Variants in ZRANB3 observed in about 807,000 individuals in gnomAD.
ZRANB3 encodes zinc finger RANBP2-type containing 3.
ZRANB3 carries 125 observed loss-of-function variants against 133.8 expected under a neutral mutation model. That is an observed-to-expected ratio of 0.93 (90% CI 0.81 to 1.08). The LOEUF (loss-of-function observed/expected upper bound fraction) is 1.08. Ranked by LOEUF, ZRANB3 falls within the 50% of genes least tolerant of loss-of-function variation. The pLI is 0.00. For synonymous variants in ZRANB3, 387 were observed against 432.7 expected (o/e 0.89, Z 1.31); for missense variants, 1,229 against 1,275.5 (o/e 0.96, Z 0.56).
chr2:135,336,475 C>T (rs1684375997), intron 6 of ZRANB3, among the ~76,000 whole-genome samples: 1 of 152,162 alleles, frequency 6.6e-6, no homozygotes, highest in Non-Finnish European at 1.5e-5. Context: ...CACAGACTAA[C>T]TTAAAATGCC....
intron 12 of ZRANB3, among the ~76,000 whole-genome samples, chr2:135,256,042 G>A (rs1010460151): frequency 2.6e-5 from 4 of 151,596 alleles, no homozygotes; most frequent in African/African-American, 4.8e-5. Context: ...AGCCTCCTGA[G>A]TAGCTGGGAC....
intron 6 of ZRANB3, among the ~76,000 whole-genome samples, chr2:135,328,091 G>C (rs1573918001): frequency 6.6e-6 from 1 of 151,308 alleles, no homozygotes; most frequent in East Asian, 1.9e-4. Context: ...TATACTTTAA[G>C]TTCTAGGGTA....
intron 1 of ZRANB3, among the ~76,000 whole-genome samples, chr2:135,520,769 G>C (rs1458343518): frequency 1.3e-5 from 2 of 151,944 alleles, no homozygotes; most frequent in Admixed American, 1.3e-4. Context: ...GTTTTTAGTA[G>C]AGACGGGGTT....
At chr2:135,233,034 A>G (rs1387695921) in intron 12 of ZRANB3, among the ~76,000 whole-genome samples, 1 of 152,184 alleles carries the variant, frequency 6.6e-6, no homozygotes, top group Non-Finnish European at 1.5e-5. Flanking sequence ...CAAAGAAGTT[A>G]AAAACCTTGA....
chr2:135,496,384 TAAAA>T (rs56770947), intron 2 of ZRANB3, among the ~76,000 whole-genome samples: 2 of 33,326 alleles, frequency 6.0e-5, no homozygotes, highest in Admixed American at 3.8e-4. Flanking sequence ...AACTCCATCT[TAAAA>T]AAAAAAAAAA....
intron 2 of ZRANB3, among the ~76,000 whole-genome samples, chr2:135,497,598 T>G (rs1440233467): frequency 6.6e-6 from 1 of 152,204 alleles, no homozygotes; most frequent in Non-Finnish European, 1.5e-5. Context: ...AATATTTCCA[T>G]CACAGCGGAA....
intron 2 of ZRANB3, among the ~76,000 whole-genome samples, chr2:135,413,794 C>T (rs577346802): frequency 9.2e-5 from 14 of 152,082 alleles, no homozygotes; most frequent in African/African-American, 3.1e-4. Context: ...AGAGTGGGGG[C>T]CAATATTCAA....
At chr2:135,280,931 C>T (rs749314739) in intron 8 of ZRANB3, among the ~76,000 whole-genome samples, 4 of 152,162 alleles carry the variant, frequency 2.6e-5, no homozygotes, top group Non-Finnish European at 5.9e-5. Flanking sequence ...CCCACTAAGT[C>T]ATTTCAGTGA....
At position 135,269,020 on chromosome 2, in the gene ZRANB3, T is replaced by A. The variant is rs1558874807; in HGVS notation, c.1328A>T (p.His443Leu). Residue 443 changes from histidine to leucine, a missense_variant, in exon 11 of 21, where the codon CAC (histidine) becomes CTC (leucine). Physicochemically the swap from His to Leu is moderately conservative, Grantham distance 99. Transcript: ENST00000264159. ...TAGGGTTCCATTTGCAATAAGGTAG[T>A]GAATATTCACAGAACTGCACTGGCC... ...RIGQCSSVNI[H>L]YLIANGTLDT... 2 of 1,612,408 alleles carry A rather than the reference T, an allele frequency of 1.2e-6. No individual in the cohort carries two copies. The highest frequency in any genetic ancestry group is 1.3e-5 in the African/African-American group (1 of 74,764).
chr2:135,496,722 A>G (rs1285304292), intron 2 of ZRANB3, among the ~76,000 whole-genome samples: 1 of 152,216 alleles, frequency 6.6e-6, no homozygotes, highest in Non-Finnish European at 1.5e-5. Context: ...CTGTTCTCCA[A>G]TTTCAAGAAA....
chr2:135,431,559 A>T (rs981464559), intron 2 of ZRANB3, among the ~76,000 whole-genome samples: 1 of 152,160 alleles, frequency 6.6e-6, no homozygotes, highest in Non-Finnish European at 1.5e-5. Flanking sequence ...ATAATAGCTG[A>T]TAAAGAACTT....
intron 2 of ZRANB3, among the ~76,000 whole-genome samples, chr2:135,478,156 A>AAT (rs1260660980): frequency 1.2e-4 from 18 of 152,060 alleles, no homozygotes; most frequent in Admixed American, 9.2e-4. Context: ...TATGCTTAAA[A>AAT]ATATATATAT....
intron 1 of ZRANB3, among the ~76,000 whole-genome samples, chr2:135,507,976 AAG>A (rs141612301): frequency 6.6e-6 from 1 of 151,772 alleles, no homozygotes; most frequent in Non-Finnish European, 1.5e-5. Flanking sequence ...AGGGAAAGAA[AAG>A]AGAGAGAGAG....
At chr2:135,315,332 G>T in intron 7 of ZRANB3, 27 bp downstream of exon 7, 1 of 1,465,010 alleles carries the variant, frequency 6.8e-7, no homozygotes, top group Non-Finnish European at 9.0e-7. Context: ...TTTAAAGTAA[G>T]ACTTTAAATC....
intron 1 of ZRANB3, among the ~76,000 whole-genome samples, chr2:135,521,712 AC>A (rs1030678348): frequency 2.0e-4 from 31 of 152,216 alleles, no homozygotes; most frequent in African/African-American, 6.5e-4. Flanking sequence ...AAGGCACTAC[AC>A]ATAAGAGGGA....
chr2:135,316,066 GGATT>G (rs1558911389), intron 6 of ZRANB3, among the ~76,000 whole-genome samples: 1 of 152,004 alleles, frequency 6.6e-6, no homozygotes, highest in Non-Finnish European at 1.5e-5. Context: ...ACCCTTTCCT[GGATT>G]GACAGCAAAG....
intron 12 of ZRANB3, among the ~76,000 whole-genome samples, chr2:135,250,147 G>A (rs1274013712): frequency 6.6e-6 from 1 of 152,212 alleles, no homozygotes; most frequent in Non-Finnish European, 1.5e-5. Context: ...TGGAGCAAAA[G>A]TGACTCTTGT....
intron 1 of ZRANB3, among the ~76,000 whole-genome samples, chr2:135,516,594 C>T (rs1185253473): frequency 1.3e-5 from 2 of 152,168 alleles, no homozygotes; most frequent in African/African-American, 4.8e-5. Flanking sequence ...GAATATTGGA[C>T]CCCACTCTCT....
At chr2:135,396,794 A>T (rs11887496) in intron 2 of ZRANB3, among the ~76,000 whole-genome samples, 15,954 of 152,136 alleles carry the variant, frequency 0.1, 1,104 homozygotes, top group South Asian at 0.32. Flanking sequence ...TTGTACATTT[A>T]AAAATAATTA....
Sources: gnomAD v4.1 joint callset for allele counts (sites outside exome capture counted in the v4.1 genomes callset) on GRCh38, gnomAD v4.1.1 for gene constraint, MANE v1.5 for transcripts, NCBI Gene and HGNC (gene_info 2026-07-23, HGNC 2026-07-21) for gene names.